CSF2RA: variants seen among roughly 807,000 people sequenced by gnomAD.
CSF2RA encodes granulocyte-macrophage colony-stimulating factor receptor subunit alpha.
In CSF2RA, 42 loss-of-function variants were observed where a neutral mutation model predicts 51.6. That is an observed-to-expected ratio of 0.81 (90% CI 0.64 to 1.05). The LOEUF is 1.05. Among genes scored for constraint, CSF2RA ranks in the 50% least tolerant of loss-of-function variants. The pLI is 0.00. For missense variants in CSF2RA, 530 were observed against 501.1 expected (o/e 1.06, Z -0.55); for synonymous variants, 222 against 193.0 (o/e 1.15, Z -1.24).
At position 1,309,807 on chromosome X, in the gene CSF2RA, G is replaced by T; in HGVS notation, c.*328G>T. 1.6e-6 allele frequency: 1 copy of T among 619,706 alleles called. No individual in the cohort carries two copies. Among genetic ancestry groups the T allele is most frequent in the South Asian group, 1.9e-5 (1 of 52,146 alleles). 38.4% of individuals were successfully genotyped at this position (619,706 alleles called of 1,614,324 possible). A position where few individuals can be genotyped will look rare whatever the true frequency, so the allele number is the denominator to read the frequency against. On this transcript the variant is annotated 3_prime_UTR_variant, in exon 13 of 13. Coordinates refer to ENST00000381529, the MANE Select transcript of CSF2RA (RefSeq NM_172245.4). ...GGAGGCTGAGGCAGGAGAATTGCTT[G>T]AACCCGTGAGGCGGAGGTTGTAGTG...
chrX:1,314,267 GCGCCTGCC>G (rs1569514707), downstream of CSF2RA, among the ~76,000 whole-genome samples: 56 of 26,784 alleles, frequency 2.1e-3, 1 homozygote, highest in Admixed American at 4.6e-3. Context: ...CAACCCCACT[GCGCCTGCC>G]CAACCCCACT....
chrX:1,308,087 T>C (rs1327738045), intron 12 of CSF2RA, among the ~76,000 whole-genome samples: 1 of 151,822 alleles, frequency 6.6e-6, no homozygotes, highest in African/African-American at 2.4e-5. Context: ...TTTAGACCTT[T>C]GACTGATTAG....
At chrX:1,323,846 C>G in the CSF2RA span, among the ~76,000 whole-genome samples, 4 of 151,724 alleles carry the variant, frequency 2.6e-5, no homozygotes, top group African/African-American at 4.8e-5. Context: ...AACCCCGTCT[C>G]TAATAAAAAT....
In CSF2RA at chrX:1,288,769, T is replaced by A. The variant is rs2091053375; in HGVS notation, c.354T>A (p.Gly118=). The part of the protein sequence containing the change: ...KLLYPNSGRE[G]TAAQNFSCFI... ...TCTACCTCTTCCCAGGAAGGGAGGG[T>A]ACCGCTGCTCAGAATTTCTCCTGTT... Residue 118 remains glycine, a synonymous_variant, in exon 6 of 13, where the codon GGT becomes GGA. Coordinates refer to ENST00000381529, the MANE Select transcript of CSF2RA (RefSeq NM_172245.4). 1 of 1,613,722 alleles carries A rather than the reference T, an allele frequency of 6.2e-7. No individual in the cohort carries two copies. The highest frequency in any genetic ancestry group is 8.5e-7 in the Non-Finnish European group (1 of 1,179,848).
chrX:1,290,196 TTTTTTGTTTTGTG>T (rs2091265840), intron 6 of CSF2RA, 128 bp from the exon 7 acceptor site: 26 of 703,318 alleles, frequency 3.7e-5, no homozygotes, highest in Non-Finnish European at 5.6e-5. Context: ...TTTGTGGGTT[TTTTTTGTTTTGTG>T]TTTTTGTTTT....
the CSF2RA span, among the ~76,000 whole-genome samples, chrX:1,317,742 G>A: frequency 2.0e-5 from 3 of 151,892 alleles, no homozygotes; most frequent in South Asian, 6.2e-4. Context: ...TGGAGTGGAA[G>A]AAGAGGAAGA....
downstream of CSF2RA, among the ~76,000 whole-genome samples, chrX:1,314,259 ACC>A (rs781285109): frequency 0.33 from 19,957 of 60,724 alleles, 2,769 homozygotes; most frequent in East Asian, 0.54. Context: ...CACCTGCCCA[ACC>A]CCACTGCGCC....
the CSF2RA span, among the ~76,000 whole-genome samples, chrX:1,319,619 GT>G: frequency 6.7e-6 from 1 of 148,872 alleles, no homozygotes; most frequent in Non-Finnish European, 1.5e-5. Flanking sequence ...ATCTCACTAT[GT>G]TACCCAGACT....
downstream of CSF2RA, among the ~76,000 whole-genome samples, chrX:1,313,450 C>G (rs2084270778): frequency 6.7e-6 from 1 of 149,126 alleles, no homozygotes; most frequent in Admixed American, 6.8e-5. Context: ...GTGGCTCATG[C>G]CTGGAATCCC....
At chrX:1,324,580 G>A in the CSF2RA span, among the ~76,000 whole-genome samples, 6 of 149,782 alleles carry the variant, frequency 4.0e-5, no homozygotes, top group East Asian at 1.2e-3. Flanking sequence ...AGGAAGGAAA[G>A]AAAGAAAGAG....
At chrX:1,293,599 C>A (rs1425963236) in intron 7 of CSF2RA, among the ~76,000 whole-genome samples, 1 of 152,110 alleles carries the variant, frequency 6.6e-6, no homozygotes, top group Non-Finnish European at 1.5e-5. Context: ...CCAGTGTAGA[C>A]AGGAGGAGAC....
At chrX:1,294,577 C>A in intron 8 of CSF2RA, 116 bp downstream of exon 8, 1 of 1,382,710 alleles carries the variant, frequency 7.2e-7, no homozygotes. Flanking sequence ...GGGTGGTGAG[C>A]GGTGACTCTG....
rs73618028 is a variant in CSF2RA at position 1,280,682 on chromosome X, C to T, written c.-26-1996C>T. Among the ~76,000 whole-genome samples, 1,158 of 149,574 alleles carry T rather than the reference C, an allele frequency of 7.7e-3. 11 individuals carry two copies. The highest frequency in any genetic ancestry group is 0.027 in the African/African-American group (1,099 of 40,518). On this transcript the variant is annotated intron_variant, in intron 2 of 12. Coordinates refer to ENST00000381529, the MANE Select transcript of CSF2RA (RefSeq NM_172245.4). Reference sequence around the variant, plus strand: ...CTTCCTCCTCTTCCTCCTCCTCCTTCTTCTTCTCTTCTTTCTTCTTCTTCT... The same window carrying T: ...CTTCCTCCTCTTCCTCCTCCTCCTTTTTCTTCTCTTCTTTCTTCTTCTTCT...
chrX:1,290,953 G>A (rs1237272748), intron 7 of CSF2RA, among the ~76,000 whole-genome samples: 10 of 151,960 alleles, frequency 6.6e-5, no homozygotes, highest in Admixed American at 5.9e-4. Context: ...ATAGAGTCTC[G>A]CTCTGTCACC....
chrX:1,300,385 A>T, intron 9 of CSF2RA, 106 bp from the exon 10 acceptor site: 1 of 1,390,636 alleles, frequency 7.2e-7, no homozygotes, highest in Non-Finnish European at 1.0e-6. Context: ...AAGAAAAAGA[A>T]AAAAAGAAAA....
intron 10 of CSF2RA, among the ~76,000 whole-genome samples, chrX:1,301,250 T>A (rs1215965665): frequency 3.5e-5 from 5 of 144,688 alleles, no homozygotes; most frequent in African/African-American, 1.3e-4. Flanking sequence ...GAGAATGACT[T>A]GAACCCGGGA....
At chrX:1,274,339 G>C (rs2088853551) in intron 1 of CSF2RA, among the ~76,000 whole-genome samples, 1 of 151,514 alleles carries the variant, frequency 6.6e-6, no homozygotes, top group Non-Finnish European at 1.5e-5. Flanking sequence ...GGGAGCTGGG[G>C]ATCCAGTCTT....
At chrX:1,316,299 T>C in the CSF2RA span, among the ~76,000 whole-genome samples, 40 of 113,212 alleles carry the variant, frequency 3.5e-4, no homozygotes, top group East Asian at 9.4e-4. Flanking sequence ...GATAGATAGA[T>C]AGATAGACAG....
rs762814693 is a variant in CSF2RA, at chrX:1,301,536, G to A, written c.946+910G>A. 6.2e-3 allele frequency among the ~76,000 whole-genome samples: 937 copies of A among 150,510 alleles called. 3 individuals are homozygous for A. The highest frequency in any genetic ancestry group is 8.7e-3 in the Non-Finnish European group (590 of 67,858). ...GGAAACAATCAGTCAGTCTTTGTCC[G>A]GTCAAACCGTCACCATTCCGGCTCC... On this transcript the variant is annotated intron_variant, in intron 10 of 12. Coordinates refer to ENST00000381529, the MANE Select transcript of CSF2RA (RefSeq NM_172245.4).
Sources: allele counts gnomAD v4.1 joint callset (sites outside exome capture counted in the v4.1 genomes callset), GRCh38; gene constraint gnomAD v4.1.1; transcripts MANE v1.5; gene names NCBI Gene and HGNC (gene_info 2026-07-23, HGNC 2026-07-21).